Variants in ARHGAP24 observed in about 807,000 individuals in gnomAD.
ARHGAP24 encodes Rho GTPase activating protein 24.
ARHGAP24 carries 50 observed loss-of-function variants against 76.4 expected under a neutral mutation model. The observed-to-expected ratio is 0.65, with a 90% CI of 0.52 to 0.83. The LOEUF is 0.83. Among genes scored for constraint, ARHGAP24 ranks in the 40% least tolerant of loss-of-function variants. ARHGAP24 has a pLI of 0.00. For synonymous variants in ARHGAP24, 345 were observed against 323.3 expected (o/e 1.07, Z -0.72); for missense variants, 930 against 914.2 (o/e 1.02, Z -0.22).
chr4:85,989,491 C>G (rs551193210), intron 8 of ARHGAP24, among the ~76,000 whole-genome samples: 1 of 151,742 alleles, frequency 6.6e-6, no homozygotes, highest in East Asian at 1.9e-4. Context: ...TGCACAGACT[C>G]TTTCAGAAAA....
chr4:85,889,656 G>C (rs752138681), intron 3 of ARHGAP24, among the ~76,000 whole-genome samples: 1 of 152,142 alleles, frequency 6.6e-6, no homozygotes, highest in East Asian at 1.9e-4. Flanking sequence ...AGAGCAAAAT[G>C]GATGGAATGC....
intron 3 of ARHGAP24, among the ~76,000 whole-genome samples, chr4:85,771,975 C>T (rs1727146440): frequency 6.6e-6 from 1 of 152,144 alleles, no homozygotes; most frequent in Non-Finnish European, 1.5e-5. Context: ...TGCCAAAGTG[C>T]TGGGATTACA....
At chr4:85,573,960 C>G in intron 2 of ARHGAP24, among the ~76,000 whole-genome samples, 1 of 152,168 alleles carries the variant, frequency 6.6e-6, no homozygotes, top group Non-Finnish European at 1.5e-5. Flanking sequence ...TAAGAATGTC[C>G]ATGGTCTTCA....
rs185258132 is a variant in ARHGAP24, at chr4:85,726,477, C to T, written c.268+4505C>T. On this transcript the variant is annotated intron_variant, in intron 3 of 9. Coordinates refer to ENST00000395184, the MANE Select transcript of ARHGAP24 (RefSeq NM_001025616.3). ...GAAGTCTTAGCTGATCCAGTGGGGT[C>T]CCCTGAGGCGGTGATCCCTCTCAAG... Among the ~76,000 whole-genome samples the T allele has an allele frequency of 2.0e-5, 3 of 152,240 alleles. No homozygotes were observed. In the East Asian group the frequency reaches 5.8e-4, roughly 29 times the overall value.
At chr4:85,985,969 A>T (rs1393728043) in intron 8 of ARHGAP24, among the ~76,000 whole-genome samples, 1 of 152,156 alleles carries the variant, frequency 6.6e-6, no homozygotes, top group South Asian at 2.1e-4. Flanking sequence ...ATATTTACTA[A>T]CCCATAATAG....
intron 1 of ARHGAP24, among the ~76,000 whole-genome samples, chr4:85,506,983 T>C (rs1724082385): frequency 6.6e-6 from 1 of 152,062 alleles, no homozygotes; most frequent in Non-Finnish European, 1.5e-5. Context: ...GCACATTTAA[T>C]AAAGGAGTAA....
chr4:85,824,017 T>C lies in ARHGAP24; in HGVS notation c.269-99631T>C, dbSNP rs530725388. Among the ~76,000 whole-genome samples, 32 of 152,146 alleles carry C rather than the reference T, an allele frequency of 2.1e-4. 1 individual carries two copies. Among genetic ancestry groups the C allele is most frequent in the Middle Eastern group, 3.4e-3 (1 of 294 alleles). Reference sequence around the variant, plus strand: ...TACATCTTTCCCATCTAGAAAAATATTACCATCCAGCAAAAAAACACAATT... The same window carrying C: ...TACATCTTTCCCATCTAGAAAAATACTACCATCCAGCAAAAAAACACAATT... On this transcript the variant is annotated intron_variant, in intron 3 of 9. Transcript: ENST00000395184.
At chr4:85,778,778 T>C in intron 3 of ARHGAP24, 2 of 985,428 alleles carry the variant, frequency 2.0e-6, no homozygotes, top group South Asian at 9.4e-5. Context: ...TTATATCCCC[T>C]TCTACAAGAA....
In ARHGAP24 at chr4:85,900,256, G is replaced by C. The variant is rs535871608; in HGVS notation, c.269-23392G>C. Among the ~76,000 whole-genome samples the C allele has an allele frequency of 4.6e-5, 7 of 152,140 alleles. No homozygotes were observed. In the South Asian group the frequency reaches 1.5e-3, roughly 32 times the overall value. ...CAATATCAGTATTCTATCAGTATAT[G>C]TTCTCCCCACCACTATTCAGGGAGT... On this transcript the variant is annotated intron_variant, in intron 3 of 9. Transcript: ENST00000395184.
Position 86,001,535 on chromosome 4 carries a change from C to G in ARHGAP24, c.*813C>G, listed in dbSNP as rs1264921078. ...TTAACGATTCAGGCTTTGAATTACTCTGTCCCTCTGGACCGAATCTCTTTA... is the reference window on the plus strand; with the variant it reads ...TTAACGATTCAGGCTTTGAATTACTGTGTCCCTCTGGACCGAATCTCTTTA... On this transcript the variant is annotated 3_prime_UTR_variant, in exon 10 of 10. Transcript: ENST00000395184. 2.5e-6 allele frequency: 1 copy of G among 397,848 alleles called. No homozygotes were observed. Among genetic ancestry groups the G allele is most frequent in the Admixed American group, 4.4e-5 (1 of 22,718 alleles). The allele number at this position is 397,848 out of a possible 1,614,324, so 24.6% of individuals were successfully genotyped here. A position where few individuals can be genotyped will look rare whatever the true frequency, so the allele number is the denominator to read the frequency against.
At chr4:85,533,533 G>A (rs1342137864) in intron 1 of ARHGAP24, among the ~76,000 whole-genome samples, 6 of 152,134 alleles carry the variant, frequency 3.9e-5, no homozygotes, top group African/African-American at 1.4e-4. Context: ...CTTTGGGAAT[G>A]TAGTTTAAAG....
At chr4:85,565,345 A>G (rs551290496) in intron 1 of ARHGAP24, among the ~76,000 whole-genome samples, 2 of 152,210 alleles carry the variant, frequency 1.3e-5, no homozygotes, top group Admixed American at 1.3e-4. Context: ...TTTCTTCTCA[A>G]AGTCCCACAA....
intron 3 of ARHGAP24, among the ~76,000 whole-genome samples, chr4:85,788,442 A>G (rs979399038): frequency 1.3e-5 from 2 of 152,184 alleles, no homozygotes; most frequent in Non-Finnish European, 2.9e-5. Context: ...AATCTTATCG[A>G]AAGTGTAAAG....
chr4:85,912,132 T>C (rs17011184), intron 3 of ARHGAP24, among the ~76,000 whole-genome samples: 2,075 of 152,354 alleles, frequency 0.014, 43 homozygotes, highest in African/African-American at 0.045. Flanking sequence ...ATTTGAAATA[T>C]GTTTATATCA....
chr4:85,641,688 C>T (rs1721527786), intron 2 of ARHGAP24, among the ~76,000 whole-genome samples: 1 of 152,178 alleles, frequency 6.6e-6, no homozygotes, highest in East Asian at 1.9e-4. Context: ...ATTTGCTAAA[C>T]CATCTAGGAG....
At chr4:85,549,553 T>C (rs938518934) in intron 1 of ARHGAP24, among the ~76,000 whole-genome samples, 1 of 152,178 alleles carries the variant, frequency 6.6e-6, no homozygotes, top group Non-Finnish European at 1.5e-5. Context: ...TTAACAGATA[T>C]ATGCTTTGCA....
At chr4:85,565,019 G>A (rs968799756) in intron 1 of ARHGAP24, among the ~76,000 whole-genome samples, 6 of 143,018 alleles carry the variant, frequency 4.2e-5, no homozygotes, top group South Asian at 2.3e-4. Flanking sequence ...ACACATATGT[G>A]CACTTGCATG....
chr4:85,982,941 C>T (rs188771940), intron 8 of ARHGAP24, among the ~76,000 whole-genome samples: 1 of 152,236 alleles, frequency 6.6e-6, no homozygotes, highest in African/African-American at 2.4e-5. Flanking sequence ...TCCCAACAAA[C>T]ACCAGTGTGT....
At chr4:85,785,752 T>C (rs1371126633) in intron 3 of ARHGAP24, among the ~76,000 whole-genome samples, 1 of 152,166 alleles carries the variant, frequency 6.6e-6, no homozygotes, top group Admixed American at 6.5e-5. Flanking sequence ...TCAGTGCCGT[T>C]GTCAAATTTA....
Sources: allele counts gnomAD v4.1 joint callset (sites outside exome capture counted in the v4.1 genomes callset), GRCh38; gene constraint gnomAD v4.1.1; transcripts MANE v1.5; gene names NCBI Gene and HGNC (gene_info 2026-07-23, HGNC 2026-07-21).